The following PTPRN2 variants were observed in gnomAD, a reference collection of about 807,000 sequenced individuals.
PTPRN2 encodes the protein protein tyrosine phosphatase receptor type N2.
PTPRN2 carries 74 observed loss-of-function variants against 118.8 expected under a neutral mutation model. The observed-to-expected ratio is 0.62, with a 90% CI of 0.52 to 0.76. The LOEUF is 0.76. Among genes scored for constraint, PTPRN2 ranks in the 30% least tolerant of loss-of-function variants. PTPRN2 has a pLI of 0.00. For missense variants in PTPRN2, 1,481 were observed against 1,394.4 expected, an observed-to-expected ratio of 1.06 and a Z score of -0.99; for synonymous variants, 641 against 608.0, an observed-to-expected ratio of 1.05 and a Z score of -0.80.
chr7:158,329,626 A>C (rs368830242), intron 2 of PTPRN2, among the ~76,000 whole-genome samples: 38 of 152,302 alleles, frequency 2.5e-4, no homozygotes, highest in African/African-American at 8.2e-4. Context: ...GAACTGAGAA[A>C]TCAATGTCTG....
chr7:157,875,047 A>G (rs1280623720), intron 12 of PTPRN2, among the ~76,000 whole-genome samples: 2 of 152,186 alleles, frequency 1.3e-5, no homozygotes, highest in East Asian at 1.9e-4. Context: ...ACACACGCGC[A>G]CACACAGACA....
At chr7:157,755,344 T>A (rs1410907941) in intron 12 of PTPRN2, among the ~76,000 whole-genome samples, 1 of 152,220 alleles carries the variant, frequency 6.6e-6, no homozygotes, top group Non-Finnish European at 1.5e-5. Context: ...TAGCTTCTGA[T>A]GATGTTTGTT....
chr7:158,332,840 C>G (rs1433981625), intron 2 of PTPRN2, among the ~76,000 whole-genome samples: 1 of 150,222 alleles, frequency 6.7e-6, no homozygotes, highest in Non-Finnish European at 1.5e-5. Flanking sequence ...TAAGAGGTGA[C>G]ACATGCAAAC....
intron 11 of PTPRN2, among the ~76,000 whole-genome samples, chr7:157,976,063 A>G (rs1802720185): frequency 6.6e-6 from 1 of 152,210 alleles, no homozygotes; most frequent in Non-Finnish European, 1.5e-5. Context: ...AGTGCTCACC[A>G]TCCAAGTCCT....
chr7:158,250,447 G>A (rs1001063063), intron 3 of PTPRN2, among the ~76,000 whole-genome samples: 3 of 151,922 alleles, frequency 2.0e-5, no homozygotes, highest in Non-Finnish European at 2.9e-5. Flanking sequence ...AAAGGGAACC[G>A]GCCTCCCCAT....
At position 157,690,247 on chromosome 7, in the gene PTPRN2, G is replaced by A. The variant is rs532899803; in HGVS notation, c.1789-7310C>T. 2.0e-5 allele frequency among the ~76,000 whole-genome samples: 3 copies of A among 152,272 alleles called. No individual in the cohort carries two copies. In the East Asian group the frequency reaches 5.8e-4, roughly 30 times the overall value. ...CGCTCCTCCTCACAGGCCCACCCTA[G>A]ACCCACTTGGGGATGATCCCAGGCG... On this transcript the variant is annotated intron_variant, in intron 12 of 22. Transcript: ENST00000389418. This position sits in a 1 kb window ranked among gnomAD's most constrained non-coding sequence, Gnocchi z 7.1.
At chr7:158,336,292 G>A (rs567650918) in intron 2 of PTPRN2, among the ~76,000 whole-genome samples, 1,613 of 123,002 alleles carry the variant, frequency 0.013, 2 homozygotes, top group African/African-American at 0.049. Context: ...GACGCCCGCA[G>A]ACGTCACTCA....
At chr7:158,270,832 A>ACCGCCCCCCCACC (rs1491217373) in intron 3 of PTPRN2, among the ~76,000 whole-genome samples, 2 of 5,170 alleles carry the variant, frequency 3.9e-4, no homozygotes, top group African/African-American at 1.2e-3. Flanking sequence ...CTCCACCTGG[A>ACCGCCCCCCCACC]TGACCCCCTC....
intron 11 of PTPRN2, among the ~76,000 whole-genome samples, chr7:158,012,518 G>T (rs956958878): frequency 6.6e-6 from 1 of 152,248 alleles, no homozygotes; most frequent in Non-Finnish European, 1.5e-5. Flanking sequence ...GATTGACTTG[G>T]AGTGGGTACG....
At chr7:157,734,332 T>C (rs534954975) in intron 12 of PTPRN2, among the ~76,000 whole-genome samples, 105 of 150,634 alleles carry the variant, frequency 7.0e-4, no homozygotes, top group African/African-American at 2.4e-3. Flanking sequence ...CCCAGCGCAG[T>C]TACTCTTTTC....
intron 3 of PTPRN2, among the ~76,000 whole-genome samples, chr7:158,292,995 G>A (rs1056371339): frequency 3.0e-4 from 45 of 152,126 alleles, no homozygotes; most frequent in Non-Finnish European, 2.6e-4. Context: ...TTGAACCACG[G>A]AGGCAGAGGT....
rs542393613 is a variant in PTPRN2, at chr7:158,376,424, G to C, written c.164-59492C>G. Among the ~76,000 whole-genome samples, 812 of 136,778 alleles carry C rather than the reference G, an allele frequency of 5.9e-3. 10 individuals carry two copies. The highest frequency in any genetic ancestry group is 0.022 in the African/African-American group (772 of 35,426). 89.7% of individuals were successfully genotyped at this position (136,778 alleles called of 152,430 possible). A position where few individuals can be genotyped will look rare whatever the true frequency, so the allele number is the denominator to read the frequency against. On this transcript the variant is annotated intron_variant, in intron 2 of 22. Coordinates refer to ENST00000389418, the MANE Select transcript of PTPRN2 (RefSeq NM_002847.5). Reference sequence around the variant, plus strand: ...GGACTCCCCCATGGCCCTGTCATACGTCCTGAGGGAGGGGTTCAGGGGACT... The same window carrying C: ...GGACTCCCCCATGGCCCTGTCATACCTCCTGAGGGAGGGGTTCAGGGGACT...
intron 1 of PTPRN2, among the ~76,000 whole-genome samples, chr7:158,503,355 C>A (rs950760620): frequency 1.3e-5 from 2 of 152,258 alleles, no homozygotes; most frequent in Non-Finnish European, 2.9e-5. Flanking sequence ...ACCCTCACAG[C>A]TGTGTACCAT....
Position 157,682,826 on chromosome 7 carries a change from C to T in PTPRN2, c.1900G>A (p.Gly634Ser). Reference sequence around the variant, plus strand: ...CTATGGCGGAGGCAGTAGATGAGGCCAGAGGCCAGGAGGACGCCCAGGATG... The same window carrying T: ...CTATGGCGGAGGCAGTAGATGAGGCTAGAGGCCAGGAGGACGCCCAGGATG... ...ACILGVLLAS[G>S]LIYCLRHSSQ... The change falls in exon 13 of 23, where the codon GGC (glycine) becomes AGC (serine). Residue 634 changes from glycine to serine, a missense_variant. Gly to Ser is a moderately conservative substitution (Grantham distance 56, BLOSUM62 0). Transcript: ENST00000389418. 6.2e-7 allele frequency: 1 copy of T among 1,614,054 alleles called. No homozygotes were observed. The highest frequency in any genetic ancestry group is 1.3e-5 in the African/African-American group (1 of 75,058).
In PTPRN2 at chr7:157,944,794, C is replaced by T. The variant is rs1466332475; in HGVS notation, c.1724-46057G>A. Among the ~76,000 whole-genome samples the T allele has an allele frequency of 2.0e-5, 3 of 152,180 alleles. No individual in the cohort carries two copies. In the East Asian group the frequency reaches 5.8e-4, roughly 29 times the overall value. On this transcript the variant is annotated intron_variant, in intron 11 of 22. Transcript: ENST00000389418. The surrounding 1 kb of genome is among the most constrained non-coding windows in gnomAD (Gnocchi z 4.3). ...GGGGCTGTTGGGACAGGCAGCCGCACCTGGCCAGCTCTGCCCTTGCTCATC... is the reference window on the plus strand; with the variant it reads ...GGGGCTGTTGGGACAGGCAGCCGCATCTGGCCAGCTCTGCCCTTGCTCATC...
intron 1 of PTPRN2, among the ~76,000 whole-genome samples, chr7:158,494,496 A>AGGG (rs1303906171): frequency 2.6e-5 from 4 of 152,160 alleles, no homozygotes; most frequent in Non-Finnish European, 5.9e-5. Flanking sequence ...AAGAGGGAGG[A>AGGG]GGGGAGGTTC....
At chr7:157,891,490 C>T (rs974522940) in intron 12 of PTPRN2, among the ~76,000 whole-genome samples, 2 of 146,478 alleles carry the variant, frequency 1.4e-5, no homozygotes, top group African/African-American at 2.5e-5. Context: ...CAGCCCCCCA[C>T]CCCCCATCCC....
intron 5 of PTPRN2, among the ~76,000 whole-genome samples, chr7:158,170,351 C>T (rs1018906615): frequency 6.6e-6 from 1 of 152,184 alleles, no homozygotes; most frequent in Admixed American, 6.5e-5. Context: ...TGGCTTTCCC[C>T]TCATTGCTAT....
chr7:158,265,763 C>A (rs1026189268), intron 3 of PTPRN2, among the ~76,000 whole-genome samples: 1 of 152,220 alleles, frequency 6.6e-6, no homozygotes, highest in Non-Finnish European at 1.5e-5. Flanking sequence ...ACCATGAGGA[C>A]ATGGTCCAGG....
Sources: gnomAD v4.1 joint callset for allele counts (sites outside exome capture counted in the v4.1 genomes callset) on GRCh38, gnomAD v4.1.1 for gene constraint, Gnocchi (gnomAD v3.1) non-coding constraint, MANE v1.5 for transcripts, NCBI Gene and HGNC (gene_info 2026-07-23, HGNC 2026-07-21) for gene names.